Variants in ZNF223 observed in about 807,000 individuals in gnomAD.
ZNF223 encodes Homo sapiens zinc finger protein 223.
ZNF223 carries 9 observed loss-of-function variants against 12.3 expected under a neutral mutation model. That is an observed-to-expected ratio of 0.73 (90% confidence interval 0.44 to 1.28). ZNF223 has a LOEUF of 1.28. Ranked by LOEUF, ZNF223 falls within the 50% of genes most tolerant of loss-of-function variation. The pLI is 0.00. For synonymous variants in ZNF223, 171 were observed against 195.2 expected (o/e 0.88, Z 1.03); for missense variants, 506 against 579.0 (o/e 0.87, Z 1.29).
Position 44,066,715 on chromosome 19 carries a change from G to C in ZNF223, c.887G>C (p.Ser296Thr). The change falls in exon 5 of 5, where the codon AGC becomes ACC. Residue 296 changes from serine (S) to threonine (T), a missense_variant. Transcript: ENST00000434772. Reference protein sequence around the residue: ...KPFKCEICSVSFRLRSSLNRH... With the variant: ...KPFKCEICSVTFRLRSSLNRH... ...TTCAAATGTGAGATATGTAGTGTGA[G>C]CTTCCGTCTTAGGTCAAGTCTTAAT... is the stretch of plus-strand genomic sequence containing the variant. The C allele has an allele frequency of 1.2e-6, 2 of 1,614,182 alleles. No individual in the cohort carries two copies. Among genetic ancestry groups the C allele is most frequent in the South Asian group, 2.2e-5 (2 of 91,074 alleles).
Position 44,066,703 on chromosome 19 carries a change from T to C in ZNF223, c.875T>C (p.Ile292Thr). The part of the protein sequence containing the change: ...HTGEKPFKCE[I>T]CSVSFRLRSS... ...GGGGAGAAGCCATTCAAATGTGAGA[T>C]ATGTAGTGTGAGCTTCCGTCTTAGG... is the stretch of plus-strand genomic sequence containing the variant. The change falls in exon 5 of 5, where the codon ATA becomes ACA. Residue 292 changes from isoleucine to threonine, a missense_variant. Transcript: ENST00000434772. The C allele has an allele frequency of 6.2e-7, 1 of 1,614,060 alleles. No homozygotes were observed. The highest frequency in any genetic ancestry group is 1.6e-4 in the Middle Eastern group (1 of 6,062).
chr19:44,065,661 T>C (rs931396845), intron 4 of ZNF223, among the ~76,000 whole-genome samples: 8 of 150,540 alleles, frequency 5.3e-5, no homozygotes, highest in Non-Finnish European at 1.2e-4. Context: ...TGCTGCAACC[T>C]GCGCCTCCTG....
rs770143817 is a variant in ZNF223, at chr19:44,066,120, T to C, written c.292T>C (p.Trp98Arg). 15 of 1,613,338 alleles carry C rather than the reference T, an allele frequency of 9.3e-6. No individual in the cohort carries two copies. The highest frequency in any genetic ancestry group is 1.3e-5 in the Non-Finnish European group (15 of 1,179,748). The stretch of plus-strand genomic sequence containing the variant: ...TCCAGAAGCAGGACCACATGAAGGG[T>C]GGTCCTGCCAGCAGATCTGGGAAGA... ...TFPEAGPHEGWSCQQIWEEIA... is the reference protein window; with the variant it reads ...TFPEAGPHEGRSCQQIWEEIA... Residue 98 changes from tryptophan to arginine, a missense_variant, in exon 5 of 5, where the codon TGG (tryptophan) becomes CGG (arginine). Transcript: ENST00000434772.
intron 2 of ZNF223, among the ~76,000 whole-genome samples, chr19:44,056,565 A>G (rs1458496195): frequency 8.4e-6 from 1 of 119,078 alleles, no homozygotes; most frequent in Non-Finnish European, 1.7e-5. Flanking sequence ...ATTCCTCCTT[A>G]TGGCATAAAA....
intron 2 of ZNF223, among the ~76,000 whole-genome samples, chr19:44,056,517 G>A (rs1228843619): frequency 8.7e-5 from 10 of 114,312 alleles, no homozygotes; most frequent in African/African-American, 3.2e-4. Flanking sequence ...GAGTGACAGA[G>A]TGAGACTCTG....
chr19:44,062,613 T>C (rs7260075), intron 4 of ZNF223, among the ~76,000 whole-genome samples: 74,384 of 151,938 alleles, frequency 0.49, 20,927 homozygotes, highest in Non-Finnish European at 0.65. Context: ...GTGTGTGCAG[T>C]TGACCCATGT....
chr19:44,063,986 AATTT>A (rs1976873817), intron 4 of ZNF223, among the ~76,000 whole-genome samples: 1 of 152,170 alleles, frequency 6.6e-6, no homozygotes, highest in Admixed American at 6.5e-5. Flanking sequence ...CCATCAGAAA[AATTT>A]ACCTAATTCA....
At chr19:44,053,555 C>T (rs11883048) in intron 1 of ZNF223, among the ~76,000 whole-genome samples, 4,809 of 152,254 alleles carry the variant, frequency 0.032, 222 homozygotes, top group African/African-American at 0.1. Flanking sequence ...ATAGAATGTA[C>T]GATTGGGTTT....
intron 2 of ZNF223, among the ~76,000 whole-genome samples, chr19:44,056,336 T>G (rs1599867527): frequency 8.5e-6 from 1 of 117,854 alleles, no homozygotes; most frequent in Non-Finnish European, 1.7e-5. Context: ...GCTAATATGG[T>G]GAAACCCCGT....
intron 1 of ZNF223, among the ~76,000 whole-genome samples, chr19:44,054,469 C>A (rs1976740477): frequency 6.6e-6 from 1 of 152,012 alleles, no homozygotes; most frequent in Non-Finnish European, 1.5e-5. Context: ...ATTTGTTCAA[C>A]TATAAATATT....
In ZNF223 at chr19:44,060,456, A is replaced by T; in HGVS notation, c.17A>T (p.Glu6Val). The T allele has an allele frequency of 1.9e-6, 3 of 1,614,016 alleles. No homozygotes were observed. Among genetic ancestry groups the T allele is most frequent in the Non-Finnish European group, 1.7e-6 (2 of 1,179,954 alleles). Residue 6 changes from glutamate (E) to valine (V), a missense_variant and splice_region_variant, in exon 3 of 5, where the codon GAG becomes GTG. Transcript: ENST00000434772. MTMSK[E>V]AVTFKDVAVV... is the part of the protein sequence containing the mutation. ...GGTTGCATATGTTTGATGCTGTAGGAGGCAGTGACCTTCAAGGATGTGGCA... is the reference window on the plus strand; with the variant it reads ...GGTTGCATATGTTTGATGCTGTAGGTGGCAGTGACCTTCAAGGATGTGGCA...
Position 44,060,527 on chromosome 19 carries a change from A to G in ZNF223, c.88A>G (p.Arg30Gly), listed in dbSNP as rs1483685989. Reference protein sequence around the residue: ...EELGLLDLAQRKLYRDVMLEN... With the variant: ...EELGLLDLAQGKLYRDVMLEN... ...GCTGGGGCTGCTGGACCTTGCCCAG[A>G]GGAAGCTGTATCGAGATGTGATGCT... Residue 30 changes from arginine to glycine, a missense_variant, in exon 3 of 5, where the codon AGG becomes GGG. Arg to Gly is a moderately radical substitution (Grantham distance 125). Transcript: ENST00000434772. The G allele has an allele frequency of 1.9e-6, 3 of 1,614,050 alleles. No homozygotes were observed. The highest frequency in any genetic ancestry group is 2.5e-6 in the Non-Finnish European group (3 of 1,180,022).
At position 44,055,119 on chromosome 19, in the gene ZNF223, G is replaced by A; in HGVS notation, c.-58G>A. On this transcript the variant is annotated 5_prime_UTR_variant, in exon 2 of 5. Coordinates refer to ENST00000434772, the MANE Select transcript of ZNF223 (RefSeq NM_013361.6). ...CATGGCACTTTCCAGGCACAATTCT[G>A]CTTTCCCTGGAACTGTGTCATTCAG... The A allele has an allele frequency of 6.3e-7, 1 of 1,579,514 alleles. No individual in the cohort carries two copies. Among genetic ancestry groups the A allele is most frequent in the Non-Finnish European group, 8.7e-7 (1 of 1,152,332 alleles).
At chr19:44,055,910 C>T (rs143178642) in intron 2 of ZNF223, among the ~76,000 whole-genome samples, 9 of 152,206 alleles carry the variant, frequency 5.9e-5, no homozygotes, top group African/African-American at 2.2e-4. Flanking sequence ...ATATGAGAAA[C>T]CTGCTCAAAA....
intron 4 of ZNF223, 22 bp downstream of exon 4, chr19:44,060,863 G>A: frequency 6.3e-7 from 1 of 1,597,182 alleles, no homozygotes; most frequent in Non-Finnish European, 8.6e-7. Context: ...GCAACTGTGT[G>A]TCCTTGTTTG....
chr19:44,053,691 G>A (rs1307157486), intron 1 of ZNF223, among the ~76,000 whole-genome samples: 1 of 152,124 alleles, frequency 6.6e-6, no homozygotes, highest in Non-Finnish European at 1.5e-5. Context: ...GTGTCGGGCT[G>A]GGGGACGGTC....
In ZNF223 at chr19:44,066,710, T is replaced by C; in HGVS notation, c.882T>C (p.Ser294=). The C allele has an allele frequency of 1.2e-6, 2 of 1,614,148 alleles. No individual in the cohort carries two copies. The highest frequency in any genetic ancestry group is 8.5e-7 in the Non-Finnish European group (1 of 1,180,030). ...AGCCATTCAAATGTGAGATATGTAG[T>C]GTGAGCTTCCGTCTTAGGTCAAGTC... ...GEKPFKCEIC[S]VSFRLRSSLN... The change falls in exon 5 of 5, where the codon AGT becomes AGC. Residue 294 remains serine (S), a synonymous_variant. Transcript: ENST00000434772.
intron 4 of ZNF223, among the ~76,000 whole-genome samples, chr19:44,064,726 T>C (rs1976882624): frequency 6.6e-6 from 1 of 152,118 alleles, no homozygotes; most frequent in Admixed American, 6.5e-5. Context: ...GTTACTGATT[T>C]TTACAAGCAA....
chr19:44,060,173 G>A (rs1196267349), intron 2 of ZNF223, among the ~76,000 whole-genome samples: 1 of 152,150 alleles, frequency 6.6e-6, no homozygotes, highest in Non-Finnish European at 1.5e-5. Context: ...AGCCCAGTAT[G>A]CAGCATTTAG....
Sources: allele counts gnomAD v4.1 joint callset (sites outside exome capture counted in the v4.1 genomes callset), GRCh38; gene constraint gnomAD v4.1.1; transcripts MANE v1.5; gene names NCBI Gene and HGNC (gene_info 2026-07-23, HGNC 2026-07-21).